The following CERT1 variants were observed in gnomAD, a reference collection of about 807,000 sequenced individuals.
CERT1 encodes the protein ceramide transfer protein.
CERT1 carries 31 observed loss-of-function variants against 87.9 expected under a neutral mutation model. The observed-to-expected ratio is 0.35, with a 90% CI of 0.27 to 0.48. The LOEUF is 0.48. Among genes scored for constraint, CERT1 ranks in the 20% least tolerant of loss-of-function variants. The pLI, the probability that CERT1 is intolerant of heterozygous loss-of-function variation, is 0.99. For missense variants in CERT1, 487 were observed against 758.0 expected, an observed-to-expected ratio of 0.64 and a Z score of 4.20; for synonymous variants, 289 against 250.9, an observed-to-expected ratio of 1.15 and a Z score of -1.44.
chr5:75,393,186 T>G (rs1386733623), intron 11 of CERT1, among the ~76,000 whole-genome samples: 1 of 151,978 alleles, frequency 6.6e-6, no homozygotes, highest in Non-Finnish European at 1.5e-5. Context: ...AGGTGAACAG[T>G]GTTTCTAAGT....
chr5:75,416,022 G>A (rs895457162), intron 7 of CERT1, among the ~76,000 whole-genome samples: 1 of 152,098 alleles, frequency 6.6e-6, no homozygotes, highest in Non-Finnish European at 1.5e-5. Context: ...AACACATAGT[G>A]CTATCATTGC....
chr5:75,499,143 G>A (rs1767223561), intron 2 of CERT1, among the ~76,000 whole-genome samples: 1 of 152,202 alleles, frequency 6.6e-6, no homozygotes, highest in South Asian at 2.1e-4. Context: ...GAACTAACTT[G>A]CTTTTGATTT....
Position 75,411,036 on chromosome 5 carries a change from G to C in CERT1, c.905C>G (p.Ser302Cys), listed in dbSNP as rs1417704749. 3.1e-6 allele frequency: 5 copies of C among 1,587,900 alleles called. No individual in the cohort carries two copies. The African/African-American group carries it at 6.7e-5, about 21-fold the overall frequency. ...KNAMTELKKK[S>C]HFGGPDYEEG... ...TTCATAATCTGGTCCTCCAAAGTGG[G>C]ATTTTTTCTTAAGTTCTGTCATTGC... The change falls in exon 8 of 17, where the codon TCC becomes TGC. Residue 302 changes from serine (S) to cysteine (C), a missense_variant. By Grantham distance (112) the Ser-to-Cys change is moderately radical. Around this residue, in one of 8 missense-constraint regions of CERT1, gnomAD observed 21 missense variants for 20.4 expected, o/e 1.03. Transcript: ENST00000643780.
intron 8 of CERT1, among the ~76,000 whole-genome samples, chr5:75,407,089 A>G (rs533152247): frequency 1.1e-4 from 17 of 152,340 alleles, no homozygotes; most frequent in African/African-American, 3.8e-4. Flanking sequence ...CAGTTTATCT[A>G]AAGAATTGTA....
At chr5:75,422,911 C>G (rs1763448451) in intron 5 of CERT1, among the ~76,000 whole-genome samples, 1 of 152,102 alleles carries the variant, frequency 6.6e-6, no homozygotes, top group Admixed American at 6.6e-5. Flanking sequence ...AGGGAGGCTA[C>G]CTATAAGCCA....
At chr5:75,432,092 C>T (rs1393839271) in intron 3 of CERT1, among the ~76,000 whole-genome samples, 1 of 149,674 alleles carries the variant, frequency 6.7e-6, no homozygotes, top group Non-Finnish European at 1.5e-5. Context: ...TGCTCTGTCA[C>T]CCAGGCTGCA....
intron 3 of CERT1, among the ~76,000 whole-genome samples, chr5:75,445,986 T>G (rs530837413): frequency 6.6e-6 from 1 of 152,374 alleles, no homozygotes. Context: ...ATTTTATCTG[T>G]GAATCTCATT....
At chr5:75,429,630 GCT>G (rs958705195) in intron 3 of CERT1, among the ~76,000 whole-genome samples, 6 of 152,054 alleles carry the variant, frequency 3.9e-5, no homozygotes, top group African/African-American at 1.4e-4. Flanking sequence ...GCTGCAGTAA[GCT>G]CTAAACGCAC....
intron 2 of CERT1, among the ~76,000 whole-genome samples, chr5:75,461,260 C>G (rs538134909): frequency 5.3e-5 from 8 of 152,302 alleles, no homozygotes; most frequent in African/African-American, 1.9e-4. Flanking sequence ...CCTGTCAGAT[C>G]AGCAGCGGCA....
At chr5:75,488,503 T>G (rs189651078) in intron 2 of CERT1, among the ~76,000 whole-genome samples, 9 of 152,256 alleles carry the variant, frequency 5.9e-5, no homozygotes, top group Non-Finnish European at 1.0e-4. Flanking sequence ...GCAAATATAC[T>G]TCATATAGTA....
At chr5:75,482,105 C>A (rs1032385665) in intron 2 of CERT1, among the ~76,000 whole-genome samples, 4 of 152,200 alleles carry the variant, frequency 2.6e-5, no homozygotes, top group African/African-American at 9.7e-5. Flanking sequence ...CAGATGGGCT[C>A]TTGGGGTCCC....
chr5:75,390,126 C>A (rs893443833), intron 11 of CERT1, among the ~76,000 whole-genome samples: 1 of 151,978 alleles, frequency 6.6e-6, no homozygotes, highest in Non-Finnish European at 1.5e-5. Flanking sequence ...CTGGTATGAA[C>A]AAAGACATAG....
chr5:75,436,518 CCCTTT>C (rs1341187025), intron 3 of CERT1, among the ~76,000 whole-genome samples: 1 of 152,080 alleles, frequency 6.6e-6, no homozygotes, highest in East Asian at 1.9e-4. Context: ...CCTTCCCTTT[CCCTTT>C]CCTTTCTTTC....
chr5:75,413,509 T>C (rs4704215), intron 7 of CERT1, among the ~76,000 whole-genome samples: 7,519 of 152,268 alleles, frequency 0.049, 276 homozygotes, highest in East Asian at 0.18. Context: ...TTCAGGAGGC[T>C]GAGGCAGGAG....
intron 7 of CERT1, among the ~76,000 whole-genome samples, chr5:75,414,381 A>G (rs1763054720): frequency 6.6e-6 from 1 of 152,230 alleles, no homozygotes; most frequent in Non-Finnish European, 1.5e-5. Flanking sequence ...AGATTGGTAC[A>G]CTTCATTGTA....
chr5:75,444,345 C>T (rs1764447172), intron 3 of CERT1, among the ~76,000 whole-genome samples: 1 of 152,086 alleles, frequency 6.6e-6, no homozygotes, highest in Non-Finnish European at 1.5e-5. Context: ...TGAGCCACTG[C>T]GCCTGGCCTG....
Position 75,381,982 on chromosome 5 carries a change from A to T in CERT1, c.1584T>A (p.Val528=), listed in dbSNP as rs919482780. 1.1e-5 allele frequency: 18 copies of T among 1,613,722 alleles called. No homozygotes were observed. Among genetic ancestry groups the T allele is most frequent in the Non-Finnish European group, 1.5e-5 (18 of 1,179,882 alleles). ...TGTCATGATCCACAGAAAAATTACA[A>T]ACTATCCAAGTTTCAGGGTCATTTT... ...LTENDPETWI[V]CNFSVDHDSA... is the part of the protein sequence containing the mutation. The change falls in exon 15 of 17, where the codon GTT becomes GTA. Residue 528 remains valine (V), a synonymous_variant. Coordinates refer to ENST00000643780, the MANE Select transcript of CERT1 (RefSeq NM_001379029.1).
chr5:75,478,758 T>C (rs1766086585), intron 2 of CERT1, among the ~76,000 whole-genome samples: 1 of 151,954 alleles, frequency 6.6e-6, no homozygotes, highest in African/African-American at 2.4e-5. Flanking sequence ...AAGCCTATAT[T>C]GAGTAGTGAA....
At chr5:75,489,395 A>G (rs1766670841) in intron 2 of CERT1, among the ~76,000 whole-genome samples, 1 of 152,376 alleles carries the variant, frequency 6.6e-6, no homozygotes, top group South Asian at 2.1e-4. Context: ...AAATTGACAA[A>G]TGGGATCTAA....
Sources: allele counts gnomAD v4.1 joint callset (sites outside exome capture counted in the v4.1 genomes callset), GRCh38; gene constraint gnomAD v4.1.1; regional missense constraint gnomAD v4.1.1; transcripts MANE v1.5; gene names NCBI Gene and HGNC (gene_info 2026-07-23, HGNC 2026-07-21).